The following RPH3A variants were observed in gnomAD, a reference collection of about 807,000 sequenced individuals.
RPH3A encodes rabphilin-3A.
RPH3A carries 48 observed loss-of-function variants against 102.2 expected under a neutral mutation model. That is an observed-to-expected ratio of 0.47 (90% CI 0.37 to 0.60). The LOEUF (loss-of-function observed/expected upper bound fraction) is 0.60, where lower values mean the gene tolerates loss of function less well. Ranked by LOEUF, RPH3A falls within the 20% of genes least tolerant of loss-of-function variation. The pLI, the probability that RPH3A is intolerant of heterozygous loss-of-function variation, is 0.00. For synonymous variants in RPH3A, 310 were observed against 324.3 expected (o/e 0.96, Z 0.47); for missense variants, 781 against 910.1 (o/e 0.86, Z 1.83).
chr12:112,871,916 A>G (rs1403494494), intron 10 of RPH3A, among the ~76,000 whole-genome samples: 1 of 150,956 alleles, frequency 6.6e-6, no homozygotes, highest in Admixed American at 6.6e-5. Flanking sequence ...GTATATATAT[A>G]TTATATATAC....
chr12:112,894,581 G>T lies in RPH3A; in HGVS notation c.1779G>T (p.Trp593Cys), dbSNP rs2043149487. ...NGYSDPFVKL[W>C]LKPDMGKKAK... ...AGCATGTTGTGTCGCCTCCCAGCTG[G>T]CTGAAACCGGACATGGGAAAGAAGG... The change falls in exon 20 of 22, where the codon TGG becomes TGT. Residue 593 changes from tryptophan to cysteine, a missense_variant. Coordinates refer to ENST00000389385, the MANE Select transcript of RPH3A (RefSeq NM_001143854.2). 13 of 1,613,680 alleles carry T rather than the reference G, an allele frequency of 8.1e-6. No homozygotes were observed. Among genetic ancestry groups the T allele is most frequent in the Non-Finnish European group, 1.1e-5 (13 of 1,179,882 alleles).
In RPH3A at chr12:112,784,790, T is replaced by A. The variant is rs762015859; in HGVS notation, c.-139-7353T>A. Among the ~76,000 whole-genome samples the A allele has an allele frequency of 2.0e-5, 3 of 152,328 alleles. No homozygotes were observed. In the East Asian group the frequency reaches 5.8e-4, roughly 29 times the overall value. On this transcript the variant is annotated intron_variant, in intron 1 of 21. Transcript: ENST00000543106. ...GTCAGCCTTCAATAAGTGTCAGCTG[T>A]TTATTTGTTACAGGCTAGAAACAGA... is the stretch of plus-strand genomic sequence containing the variant.
intron 1 of RPH3A, among the ~76,000 whole-genome samples, chr12:112,641,304 G>A (rs1289787813): frequency 6.6e-6 from 1 of 152,172 alleles, no homozygotes. Flanking sequence ...GCTATTGCTT[G>A]GTATGGCATG....
chr12:112,833,561 C>T (rs374682494), intron 3 of RPH3A, among the ~76,000 whole-genome samples: 3 of 73,102 alleles, frequency 4.1e-5, no homozygotes, highest in African/African-American at 1.1e-4. Flanking sequence ...ACACTTTAGC[C>T]CCCTGGAATG....
intron 1 of RPH3A, among the ~76,000 whole-genome samples, chr12:112,720,096 T>C (rs1223019265): frequency 6.6e-6 from 1 of 152,268 alleles, no homozygotes; most frequent in Non-Finnish European, 1.5e-5. Context: ...CTCTTTGTTA[T>C]GGCAGAGAAG....
intron 5 of RPH3A, among the ~76,000 whole-genome samples, chr12:112,859,145 C>G (rs1461483824): frequency 6.6e-6 from 1 of 152,176 alleles, no homozygotes; most frequent in Non-Finnish European, 1.5e-5. Flanking sequence ...AGGGTCTACT[C>G]TTAGTCATCA....
At chr12:112,684,490 A>C (rs113555657) in intron 1 of RPH3A, among the ~76,000 whole-genome samples, 1 of 151,810 alleles carries the variant, frequency 6.6e-6, no homozygotes, top group African/African-American at 2.4e-5. Flanking sequence ...CTGGTCTCAC[A>C]TTCCTGACCT....
At chr12:112,616,113 C>G (rs1291847313) in intron 1 of RPH3A, among the ~76,000 whole-genome samples, 1 of 152,124 alleles carries the variant, frequency 6.6e-6, no homozygotes, top group Non-Finnish European at 1.5e-5. Flanking sequence ...TGCCGAGCAA[C>G]TGGTTTATCT....
chr12:112,694,743 C>T (rs1477044323), intron 1 of RPH3A, among the ~76,000 whole-genome samples: 8 of 152,050 alleles, frequency 5.3e-5, no homozygotes, highest in African/African-American at 1.7e-4. Context: ...ATGAAGCTCT[C>T]TTAGATAATT....
At chr12:112,696,766 A>G (rs1181559243) in intron 1 of RPH3A, among the ~76,000 whole-genome samples, 1 of 152,054 alleles carries the variant, frequency 6.6e-6, no homozygotes, top group Non-Finnish European at 1.5e-5. Flanking sequence ...TTCAAAACAA[A>G]ATCTGTTCTC....
chr12:112,843,085 G>A (rs2042172629), intron 4 of RPH3A, among the ~76,000 whole-genome samples: 2 of 152,134 alleles, frequency 1.3e-5, no homozygotes, highest in Admixed American at 6.5e-5. Context: ...TCCGGCTTCG[G>A]TCTTTAACAA....
intron 6 of RPH3A, 21 bp downstream of exon 6, chr12:112,865,564 C>T (rs1262198874): frequency 1.2e-6 from 2 of 1,610,992 alleles, no homozygotes; most frequent in South Asian, 1.1e-5. Flanking sequence ...CCTCTTCTCC[C>T]TTCTTCCCTG....
At chr12:112,831,103 A>ATTTT (rs34625027) in intron 3 of RPH3A, among the ~76,000 whole-genome samples, 1,645 of 144,440 alleles carry the variant, frequency 0.011, 22 homozygotes, top group African/African-American at 0.032. Flanking sequence ...TGGGCATGGC[A>ATTTT]TTTTTTTTTT....
intron 1 of RPH3A, among the ~76,000 whole-genome samples, chr12:112,596,969 T>C (rs756731448): frequency 6.6e-6 from 1 of 152,262 alleles, no homozygotes; most frequent in Non-Finnish European, 1.5e-5. Flanking sequence ...CATTTTTGGA[T>C]TCTGTGGTAA....
At chr12:112,746,377 C>T (rs950746547) in intron 1 of RPH3A, among the ~76,000 whole-genome samples, 2 of 152,130 alleles carry the variant, frequency 1.3e-5, no homozygotes, top group South Asian at 4.2e-4. Flanking sequence ...GTACAGACTC[C>T]ACAGCCACCA....
At chr12:112,709,149 C>A (rs2040443769) in intron 1 of RPH3A, among the ~76,000 whole-genome samples, 1 of 152,172 alleles carries the variant, frequency 6.6e-6, no homozygotes, top group South Asian at 2.1e-4. Context: ...AAAAACAGAC[C>A]TGCTAGAACA....
intron 16 of RPH3A, among the ~76,000 whole-genome samples, chr12:112,885,912 A>G (rs1208943298): frequency 6.6e-6 from 1 of 152,110 alleles, no homozygotes; most frequent in Admixed American, 6.5e-5. Flanking sequence ...TACTTGCCTT[A>G]TGATATATTT....
chr12:112,597,335 C>G (rs574489790), intron 1 of RPH3A, among the ~76,000 whole-genome samples: 1 of 152,134 alleles, frequency 6.6e-6, no homozygotes, highest in African/African-American at 2.4e-5. Context: ...ATAATCCCAG[C>G]ATTTTGGGGG....
In RPH3A at chr12:112,896,889, C is replaced by A; in HGVS notation, c.*109C>A. The A allele has an allele frequency of 1.6e-6, 2 of 1,228,024 alleles. No individual in the cohort carries two copies. Among genetic ancestry groups the A allele is most frequent in the Non-Finnish European group, 2.3e-6 (2 of 873,068 alleles). The allele number at this position is 1,228,024 out of a possible 1,614,324, so 76.1% of individuals were successfully genotyped here. On this transcript the variant is annotated 3_prime_UTR_variant, in exon 22 of 22. Coordinates refer to ENST00000389385, the MANE Select transcript of RPH3A (RefSeq NM_001143854.2). ...TATGCCTACCTCCCCCCATACCCTG[C>A]TGATCTCCCTGAGCCTGCCTTTGAG...
Sources: gnomAD v4.1 joint callset for allele counts (sites outside exome capture counted in the v4.1 genomes callset) on GRCh38, gnomAD v4.1.1 for gene constraint, MANE v1.5 for transcripts, NCBI Gene and HGNC (gene_info 2026-07-23, HGNC 2026-07-21) for gene names.